Variants in MED13L observed in about 807,000 individuals in gnomAD.
The protein encoded by MED13L is mediator complex subunit 13L, also known as mediator of RNA polymerase II transcription subunit 13-like.
A neutral mutation model predicts 220.9 loss-of-function variants in MED13L; 7 were observed. The observed-to-expected ratio is 0.03, with a 90% CI of 0.02 to 0.06. MED13L has a LOEUF of 0.06. Among genes scored for constraint, MED13L ranks in the 10% least tolerant of loss-of-function variants. The probability of loss-of-function intolerance (pLI) is 1.00; values close to 1 mark genes in which losing one functional copy is unlikely to be tolerated. For missense variants in MED13L, 1,965 were observed against 2,760.5 expected (o/e 0.71, Z 6.46); for synonymous variants, 1,011 against 1,015.2 (o/e 1.00, Z 0.08).
chr12:116,108,830 T>C (rs1408602959), intron 3 of MED13L, among the ~76,000 whole-genome samples: 1 of 152,158 alleles, frequency 6.6e-6, no homozygotes. Flanking sequence ...AAAAAATTTA[T>C]GGTGAAAATA....
At chr12:116,101,435 C>T (rs1428322358) in intron 3 of MED13L, among the ~76,000 whole-genome samples, 2 of 152,128 alleles carry the variant, frequency 1.3e-5, no homozygotes, top group Non-Finnish European at 2.9e-5. Flanking sequence ...TAATGTAATG[C>T]TGGCATTTTT....
At chr12:116,209,555 C>T (rs186904093) in intron 2 of MED13L, among the ~76,000 whole-genome samples, 13 of 152,222 alleles carry the variant, frequency 8.5e-5, no homozygotes, top group Admixed American at 3.3e-4. Flanking sequence ...GAAGCAATGC[C>T]GTGAAAATCA....
intron 2 of MED13L, among the ~76,000 whole-genome samples, chr12:116,165,328 CT>C (rs1474867756): frequency 1.7e-5 from 2 of 119,102 alleles, no homozygotes; most frequent in South Asian, 5.8e-4. Context: ...CCTATGTCCA[CT>C]TTTTTGTTTG....
chr12:116,062,204 G>A (rs1173590455), intron 4 of MED13L, among the ~76,000 whole-genome samples: 1 of 151,874 alleles, frequency 6.6e-6, no homozygotes. Context: ...CCAGGCTGGA[G>A]TGCAGTGGAG....
chr12:115,980,640 A>G (rs1362449473), intron 23 of MED13L, 110 bp downstream of exon 23: 2 of 1,150,126 alleles, frequency 1.7e-6, no homozygotes, highest in Non-Finnish European at 2.6e-6. Flanking sequence ...CTCTTATATC[A>G]ATGTAGAAGA....
chr12:116,265,199 C>G (rs1872745518), intron 1 of MED13L, among the ~76,000 whole-genome samples: 1 of 152,180 alleles, frequency 6.6e-6, no homozygotes. Context: ...TGAAAATCAC[C>G]ATTATTTCAT....
At chr12:116,140,231 T>C (rs531860606) in intron 2 of MED13L, among the ~76,000 whole-genome samples, 1 of 152,286 alleles carries the variant, frequency 6.6e-6, no homozygotes, top group East Asian at 1.9e-4. Flanking sequence ...TACTTAATAT[T>C]TATGCGTGAT....
intron 3 of MED13L, among the ~76,000 whole-genome samples, chr12:116,100,118 C>T (rs530800910): frequency 4.6e-5 from 7 of 152,124 alleles, no homozygotes; most frequent in Non-Finnish European, 1.0e-4. Context: ...GATACACACA[C>T]AGTCCCTCCA....
At chr12:116,060,744 T>C (rs1291239795) in intron 4 of MED13L, among the ~76,000 whole-genome samples, 1 of 152,156 alleles carries the variant, frequency 6.6e-6, no homozygotes, top group Non-Finnish European at 1.5e-5. Context: ...CAACAGTATG[T>C]ATGCCAATTG....
intron 18 of MED13L, 39 bp downstream of exon 18, chr12:115,987,070 T>C: frequency 6.2e-7 from 1 of 1,605,986 alleles, no homozygotes; most frequent in Non-Finnish European, 8.5e-7. Context: ...TGAACAGCAC[T>C]GAAGTCAGAA....
chr12:116,238,002 T>A (rs530677962), intron 1 of MED13L, among the ~76,000 whole-genome samples: 1 of 152,234 alleles, frequency 6.6e-6, no homozygotes, highest in Non-Finnish European at 1.5e-5. Context: ...AAAGTCTCTA[T>A]GCAGAAAACT....
intron 2 of MED13L, among the ~76,000 whole-genome samples, chr12:116,212,960 G>A (rs542030372): frequency 6.6e-6 from 1 of 152,162 alleles, no homozygotes; most frequent in Admixed American, 6.5e-5. Context: ...CTTCTGTGAT[G>A]CTGCTATGCA....
At chr12:116,257,619 G>T (rs2138543280) in intron 1 of MED13L, among the ~76,000 whole-genome samples, 1 of 152,222 alleles carries the variant, frequency 6.6e-6, no homozygotes, top group African/African-American at 2.4e-5. Context: ...CCTCCAAGCT[G>T]CCTGTACAGA....
intron 28 of MED13L, among the ~76,000 whole-genome samples, chr12:115,967,471 G>T (rs2137209588): frequency 6.6e-6 from 1 of 152,170 alleles, no homozygotes; most frequent in East Asian, 1.9e-4. Context: ...TTGAATTAAA[G>T]ACTTTAGTGC....
intron 2 of MED13L, among the ~76,000 whole-genome samples, chr12:116,180,403 T>C (rs1394831740): frequency 6.6e-6 from 1 of 152,200 alleles, no homozygotes; most frequent in African/African-American, 2.4e-5. Flanking sequence ...ATTTAAGATG[T>C]TGCATAAAAT....
chr12:116,008,904 T>G lies in MED13L; in HGVS notation c.1509A>C (p.Thr503=). The G allele has an allele frequency of 6.2e-7, 1 of 1,614,204 alleles. No homozygotes were observed. The highest frequency in any genetic ancestry group is 8.5e-7 in the Non-Finnish European group (1 of 1,180,024). The change falls in exon 10 of 31, where the codon ACA becomes ACC. Residue 503 remains threonine, a synonymous_variant. Coordinates refer to ENST00000281928, the MANE Select transcript of MED13L (RefSeq NM_015335.5). The part of the protein sequence containing the change: ...VAEELCMEQD[T]PGQKLGLAGI... ...CTGCCAACCCTAGTTTCTGTCCTGG[T>G]GTATCTTGCTCCATGCATAATTCTT...
intron 28 of MED13L, 26 bp from the exon 29 acceptor site, chr12:115,966,269 T>C (rs1192378843): frequency 6.2e-7 from 1 of 1,613,596 alleles, no homozygotes; most frequent in Non-Finnish European, 8.5e-7. Flanking sequence ...CCCAAAAACA[T>C]GATCAGCATT....
intron 4 of MED13L, among the ~76,000 whole-genome samples, chr12:116,043,759 G>T (rs768293060): frequency 2.6e-5 from 4 of 152,158 alleles, no homozygotes; most frequent in Non-Finnish European, 5.9e-5. Context: ...CGCACTGGCA[G>T]ATTCTTCTCC....
intron 2 of MED13L, among the ~76,000 whole-genome samples, chr12:116,171,916 T>C (rs996593646): frequency 2.0e-5 from 3 of 152,210 alleles, no homozygotes; most frequent in Non-Finnish European, 4.4e-5. Context: ...ATGATAATCT[T>C]TGGGAAATTT....
Sources: allele counts gnomAD v4.1 joint callset (sites outside exome capture counted in the v4.1 genomes callset), GRCh38; gene constraint gnomAD v4.1.1; transcripts MANE v1.5; gene names NCBI Gene and HGNC (gene_info 2026-07-23, HGNC 2026-07-21).